DCC: variants seen among roughly 807,000 people sequenced by gnomAD.
DCC encodes the protein netrin receptor DCC.
A neutral mutation model predicts 172.5 loss-of-function variants in DCC; 58 were observed. The ratio of observed to expected loss-of-function variants is 0.34; its 90% CI spans 0.27 to 0.42. DCC has a LOEUF of 0.42. DCC is among the 10% of genes least tolerant of loss of function. DCC has a pLI of 1.00. For missense variants in DCC, 1,740 were observed against 1,791.0 expected, an observed-to-expected ratio of 0.97 and a Z score of 0.51; for synonymous variants, 709 against 644.5, an observed-to-expected ratio of 1.10 and a Z score of -1.52.
chr18:52,837,734 C>A (rs1223720328), intron 2 of DCC, among the ~76,000 whole-genome samples: 1 of 152,230 alleles, frequency 6.6e-6, no homozygotes, highest in Non-Finnish European at 1.5e-5. Context: ...TCCACATTTT[C>A]AGTATCATTA....
At chr18:53,020,461 T>A (rs764659054) in intron 5 of DCC, among the ~76,000 whole-genome samples, 2 of 152,150 alleles carry the variant, frequency 1.3e-5, no homozygotes, top group Admixed American at 6.5e-5. Context: ...AGTCTCTGAG[T>A]GTTTCGCTCA....
chr18:53,011,651 TGTTTAGAGAAACATGCA>T (rs1027303137), intron 5 of DCC, among the ~76,000 whole-genome samples: 2 of 151,860 alleles, frequency 1.3e-5, no homozygotes, highest in Non-Finnish European at 3.0e-5. Flanking sequence ...TATTTGCATA[TGTTTAGAGAAACATGCA>T]GTTTAATTTG....
chr18:52,760,432 C>T (rs536795499), intron 2 of DCC, among the ~76,000 whole-genome samples: 1 of 152,256 alleles, frequency 6.6e-6, no homozygotes, highest in East Asian at 1.9e-4. Flanking sequence ...GACCATATCA[C>T]TTCCCCGGCT....
chr18:52,964,514 T>C (rs749880773), intron 5 of DCC, among the ~76,000 whole-genome samples: 20 of 152,136 alleles, frequency 1.3e-4, no homozygotes, highest in Non-Finnish European at 2.8e-4. Context: ...GTTGGGTTTA[T>C]TGCCATGTAC....
chr18:52,807,389 C>T (rs79484264), intron 2 of DCC, among the ~76,000 whole-genome samples: 2 of 152,178 alleles, frequency 1.3e-5, no homozygotes, highest in Non-Finnish European at 2.9e-5. Flanking sequence ...GTATGGTTCA[C>T]TGCAAAACTG....
intron 7 of DCC, among the ~76,000 whole-genome samples, chr18:53,069,627 A>C (rs1186223042): frequency 1.3e-5 from 2 of 152,050 alleles, no homozygotes; most frequent in African/African-American, 2.4e-5. Context: ...AAACAAAAAA[A>C]AAAAAAAAGA....
chr18:52,907,241 C>CATATATACATGATATGTCGTGG (rs2039897672), intron 3 of DCC, among the ~76,000 whole-genome samples: 1 of 102,656 alleles, frequency 9.7e-6, no homozygotes, highest in Non-Finnish European at 2.0e-5. Context: ...TGATAGATAT[C>CATATATACATGATATGTCGTGG]ATATATACAT....
chr18:53,452,152 C>T lies in DCC; in HGVS notation c.3392+1490C>T, dbSNP rs2045422576. On this transcript the variant is annotated intron_variant, in intron 23 of 28. Transcript: ENST00000442544. ...AATTGAGTAAGGCATTGAACAATCT[C>T]TTGGTGCTGTGTTATCAGGAAAGGG... Among the ~76,000 whole-genome samples the T allele has an allele frequency of 2.6e-5, 4 of 152,166 alleles. No individual in the cohort carries two copies. The South Asian group carries it at 8.3e-4, about 32-fold the overall frequency.
chr18:52,507,315 C>A (rs1451567122), intron 1 of DCC, among the ~76,000 whole-genome samples: 1 of 152,110 alleles, frequency 6.6e-6, no homozygotes, highest in Non-Finnish European at 1.5e-5. Flanking sequence ...TCAAATTTCT[C>A]CGAGTCAAAT....
At chr18:52,554,197 T>C (rs1446117747) in intron 1 of DCC, among the ~76,000 whole-genome samples, 5 of 151,982 alleles carry the variant, frequency 3.3e-5, no homozygotes, top group Admixed American at 2.0e-4. Context: ...ATGGCAGATA[T>C]AAACTCTAAA....
intron 17 of DCC, among the ~76,000 whole-genome samples, chr18:53,392,225 CTT>C (rs934687000): frequency 1.0e-4 from 15 of 144,618 alleles, no homozygotes; most frequent in African/African-American, 3.3e-4. Context: ...ATTTTGGTAT[CTT>C]TTTTTTTTTT....
chr18:53,177,028 A>T (rs866964862), intron 8 of DCC, among the ~76,000 whole-genome samples: 33 of 152,100 alleles, frequency 2.2e-4, no homozygotes, highest in Admixed American at 5.9e-4. Flanking sequence ...TGTCCTTTGT[A>T]GGGACATGGA....
At chr18:53,064,455 G>A (rs961924906) in intron 6 of DCC, among the ~76,000 whole-genome samples, 2 of 152,112 alleles carry the variant, frequency 1.3e-5, no homozygotes, top group Non-Finnish European at 2.9e-5. Context: ...ATCTAGCCAG[G>A]TCTCCTGGGC....
chr18:52,998,978 G>C (rs1350260314), intron 5 of DCC, among the ~76,000 whole-genome samples: 1 of 152,006 alleles, frequency 6.6e-6, no homozygotes, highest in Non-Finnish European at 1.5e-5. Context: ...CTAAAAGGGA[G>C]TGTGGACAAA....
intron 1 of DCC, among the ~76,000 whole-genome samples, chr18:52,388,200 AT>A (rs551070522): frequency 7.4e-5 from 11 of 147,796 alleles, no homozygotes; most frequent in Middle Eastern, 3.5e-3. Flanking sequence ...CAACTTCTCT[AT>A]TTTTTTTTTC....
chr18:53,274,062 A>G (rs2056778149), intron 12 of DCC, among the ~76,000 whole-genome samples: 1 of 152,156 alleles, frequency 6.6e-6, no homozygotes, highest in South Asian at 2.1e-4. Flanking sequence ...TGTATTGAAA[A>G]CAAAATAGGT....
chr18:53,522,969 T>G (rs1250609189), intron 27 of DCC, among the ~76,000 whole-genome samples: 1 of 151,972 alleles, frequency 6.6e-6, no homozygotes, highest in African/African-American at 2.4e-5. Flanking sequence ...ATCATCAGAG[T>G]GAACAGGCAA....
chr18:52,716,289 C>T (rs1333174475), intron 1 of DCC, among the ~76,000 whole-genome samples: 12 of 152,322 alleles, frequency 7.9e-5, no homozygotes, highest in South Asian at 2.1e-4. Flanking sequence ...AACAGAAAAT[C>T]GCAGGATTGT....
chr18:52,346,844 T>C (rs1983900684), intron 1 of DCC, among the ~76,000 whole-genome samples: 1 of 152,212 alleles, frequency 6.6e-6, no homozygotes, highest in Non-Finnish European at 1.5e-5. Flanking sequence ...ATGATCTACT[T>C]CTACTTCGTG....
Sources: gnomAD v4.1 joint callset for allele counts (sites outside exome capture counted in the v4.1 genomes callset) on GRCh38, gnomAD v4.1.1 for gene constraint, MANE v1.5 for transcripts, NCBI Gene and HGNC (gene_info 2026-07-23, HGNC 2026-07-21) for gene names.